GPC5: variants seen among roughly 807,000 people sequenced by gnomAD.
The protein encoded by GPC5 is glypican 5.
A neutral mutation model predicts 53.9 loss-of-function variants in GPC5; 47 were observed. The ratio of observed to expected loss-of-function variants is 0.87; its 90% CI spans 0.69 to 1.11. The LOEUF (loss-of-function observed/expected upper bound fraction) is 1.11. Among genes scored for constraint, GPC5 ranks in the 50% most tolerant of loss-of-function variants. The probability of loss-of-function intolerance (pLI) is 0.00; values close to 1 mark genes in which losing one functional copy is unlikely to be tolerated. For synonymous variants in GPC5, 286 were observed against 263.3 expected (o/e 1.09, Z -0.84); for missense variants, 748 against 713.1 (o/e 1.05, Z -0.56).
chr13:91,510,306 G>A (rs924719912), intron 2 of GPC5, among the ~76,000 whole-genome samples: 4 of 152,112 alleles, frequency 2.6e-5, no homozygotes, highest in African/African-American at 9.7e-5. Context: ...CACGGAACAA[G>A]CTCATAGATA....
intron 7 of GPC5, among the ~76,000 whole-genome samples, chr13:92,506,022 G>T (rs1396878126): frequency 6.6e-6 from 1 of 152,130 alleles, no homozygotes. Context: ...TAACTGTTCG[G>T]CCTTCTTTTC....
chr13:92,664,734 C>A (rs1464878594), intron 7 of GPC5, among the ~76,000 whole-genome samples: 4 of 152,118 alleles, frequency 2.6e-5, no homozygotes, highest in Admixed American at 2.6e-4. Context: ...ACCTGTGAGA[C>A]TATAATAGGT....
At chr13:91,823,924 A>G (rs777026013) in intron 5 of GPC5, among the ~76,000 whole-genome samples, 1 of 152,022 alleles carries the variant, frequency 6.6e-6, no homozygotes, top group Non-Finnish European at 1.5e-5. Flanking sequence ...CATTTTCCTA[A>G]TGGCTGAACC....
At chr13:92,524,443 G>C (rs932961882) in intron 7 of GPC5, among the ~76,000 whole-genome samples, 1 of 152,088 alleles carries the variant, frequency 6.6e-6, no homozygotes, top group Admixed American at 6.6e-5. Flanking sequence ...AGTACAGACA[G>C]AATATTTTTC....
intron 6 of GPC5, among the ~76,000 whole-genome samples, chr13:92,017,871 A>T (rs940343512): frequency 2.6e-5 from 4 of 151,898 alleles, no homozygotes; most frequent in Admixed American, 2.6e-4. Flanking sequence ...ATACGCGTGC[A>T]TGAGTACCTA....
intron 7 of GPC5, among the ~76,000 whole-genome samples, chr13:92,822,364 G>GCT (rs977893605): frequency 7.3e-5 from 11 of 151,604 alleles, no homozygotes; most frequent in Admixed American, 4.0e-4. Flanking sequence ...CCTCACAATA[G>GCT]CTCTCTCTCT....
intron 2 of GPC5, among the ~76,000 whole-genome samples, chr13:91,690,298 C>T (rs1189753793): frequency 1.3e-5 from 2 of 152,038 alleles, no homozygotes; most frequent in Non-Finnish European, 2.9e-5. Flanking sequence ...TAATATGATT[C>T]CTGAAGTTAT....
At chr13:91,602,977 T>A (rs1002109948) in intron 2 of GPC5, among the ~76,000 whole-genome samples, 6 of 152,220 alleles carry the variant, frequency 3.9e-5, no homozygotes, top group Non-Finnish European at 7.3e-5. Context: ...AATCCACCAA[T>A]GTACATGAGG....
intron 7 of GPC5, among the ~76,000 whole-genome samples, chr13:92,628,260 C>CTTTTTTTTTT (rs1286424637): frequency 7.5e-4 from 28 of 37,552 alleles, no homozygotes; most frequent in African/African-American, 2.3e-3. Flanking sequence ...TTTTCTTTTT[C>CTTTTTTTTTT]TTTCTTTTTT....
chr13:92,324,806 A>G (rs1470438074), intron 7 of GPC5, among the ~76,000 whole-genome samples: 2 of 151,902 alleles, frequency 1.3e-5, no homozygotes, highest in East Asian at 3.9e-4. Context: ...TAGAAATCTG[A>G]AAATGCTATC....
intron 7 of GPC5, among the ~76,000 whole-genome samples, chr13:92,801,174 A>C (rs1876891014): frequency 6.6e-6 from 1 of 151,478 alleles, no homozygotes; most frequent in Non-Finnish European, 1.5e-5. Context: ...TGACTATGTG[A>C]ACACATGTGT....
chr13:91,999,224 T>C (rs972989762), intron 6 of GPC5, among the ~76,000 whole-genome samples: 1 of 152,000 alleles, frequency 6.6e-6, no homozygotes, highest in East Asian at 1.9e-4. Context: ...TTTTCTGTAA[T>C]GCTATGAAAC....
At chr13:91,471,193 AC>A (rs955943032) in intron 2 of GPC5, among the ~76,000 whole-genome samples, 11 of 151,446 alleles carry the variant, frequency 7.3e-5, no homozygotes, top group Non-Finnish European at 1.5e-5. Flanking sequence ...TGTAACAGTC[AC>A]CCCCTTGGGG....
At chr13:91,907,238 A>G (rs2039562766) in intron 5 of GPC5, among the ~76,000 whole-genome samples, 1 of 149,204 alleles carries the variant, frequency 6.7e-6, no homozygotes, top group African/African-American at 2.4e-5. Flanking sequence ...AAGTCCCTCT[A>G]TGCCTACAAA....
At chr13:91,938,495 G>C (rs991490113) in intron 6 of GPC5, among the ~76,000 whole-genome samples, 7 of 152,020 alleles carry the variant, frequency 4.6e-5, no homozygotes, top group African/African-American at 1.7e-4. Context: ...GATTTGGAGG[G>C]GAAAGACATC....
chr13:91,468,096 A>G (rs1205455039), intron 2 of GPC5, among the ~76,000 whole-genome samples: 1 of 152,180 alleles, frequency 6.6e-6, no homozygotes, highest in African/African-American at 2.4e-5. Flanking sequence ...AGTCAGCAGG[A>G]AAGATGGTCC....
At chr13:91,694,088 G>A (rs527593079) in intron 3 of GPC5, among the ~76,000 whole-genome samples, 24 of 152,272 alleles carry the variant, frequency 1.6e-4, no homozygotes, top group Admixed American at 4.6e-4. Context: ...GTACTGTGAC[G>A]TGGCAAGAGC....
chr13:92,193,959 T>C (rs536532372), intron 7 of GPC5, among the ~76,000 whole-genome samples: 2 of 152,364 alleles, frequency 1.3e-5, no homozygotes, highest in Non-Finnish European at 2.9e-5. Context: ...AGAAATAATA[T>C]TCTTTTTGAA....
chr13:91,549,593 G>A (rs930177512), intron 2 of GPC5, among the ~76,000 whole-genome samples: 1 of 152,086 alleles, frequency 6.6e-6, no homozygotes, highest in Admixed American at 6.6e-5. Context: ...TTAAAAGTGG[G>A]CCAAAGACCT....
Sources: gnomAD v4.1 joint callset for allele counts (sites outside exome capture counted in the v4.1 genomes callset) on GRCh38, gnomAD v4.1.1 for gene constraint, MANE v1.5 for transcripts, NCBI Gene and HGNC (gene_info 2026-07-23, HGNC 2026-07-21) for gene names.